The following DEFB134 variants were observed in gnomAD, a reference collection of about 807,000 sequenced individuals.
DEFB134 encodes beta-defensin 134.
In DEFB134, 7 loss-of-function variants were observed where a neutral mutation model predicts 7.4. The observed-to-expected ratio is 0.95, with a 90% CI of 0.54 to 1.79. The LOEUF (loss-of-function observed/expected upper bound fraction) is 1.79, where lower values mean the gene tolerates loss of function less well. Ranked by LOEUF, DEFB134 falls within the 40% of genes most tolerant of loss-of-function variation. The pLI is 0.00. For missense variants in DEFB134, 105 were observed against 74.8 expected, an observed-to-expected ratio of 1.40 and a Z score of -1.49; for synonymous variants, 33 against 25.0, an observed-to-expected ratio of 1.32 and a Z score of -0.96.
chr8:12,000,099 G>C (rs1232985166), upstream of DEFB134, among the ~76,000 whole-genome samples: 2 of 152,228 alleles, frequency 1.3e-5, no homozygotes, highest in Non-Finnish European at 2.9e-5. Context: ...TCAATATGCA[G>C]CCTTTCCAAA....
At chr8:11,998,323 C>T (rs373759923), upstream of DEFB134, among the ~76,000 whole-genome samples, 56 of 151,760 alleles carry the variant, frequency 3.7e-4, no homozygotes, top group East Asian at 3.7e-3. Flanking sequence ...TGATGGTGCA[C>T]GACTGTAGTC....
At chr8:11,996,279 G>C (rs1800120487) in exon 1 of DEFB134, 6 of 1,613,090 alleles carry the variant, frequency 3.7e-6, no homozygotes, top group Non-Finnish European at 5.1e-6. Flanking sequence ...AAGGAGGCTA[G>C]TGGCAGGGTC....
chr8:11,994,160 G>A, intron 1 of DEFB134, 38 bp from the exon 3 acceptor site: 2 of 1,580,556 alleles, frequency 1.3e-6, no homozygotes, highest in Non-Finnish European at 1.7e-6. Flanking sequence ...TTCACTACAG[G>A]CCTTTTTGGA....
At chr8:11,993,734 G>T in exon 2 of DEFB134, 1 of 407,118 alleles carries the variant, frequency 2.5e-6, no homozygotes, top group Admixed American at 4.2e-5. Flanking sequence ...GAGCACACTG[G>T]ACATCACGTT....
At chr8:11,994,263 G>A in intron 1 of DEFB134, 141 bp from the exon 3 acceptor site, 1 of 1,042,946 alleles carries the variant, frequency 9.6e-7, no homozygotes, top group Non-Finnish European at 1.4e-6. Flanking sequence ...AAATTAATTA[G>A]TGGTAGGGGC....
Position 11,996,306 on chromosome 8 carries a change from G to C in DEFB134, c.-55C>G. On this transcript the variant is annotated 5_prime_UTR_variant, in exon 1 of 2. Coordinates refer to ENST00000526438, the Ensembl canonical transcript of DEFB134. Reference sequence around the variant, plus strand: ...GGCAGGGTCTGACATCGGCTGTCAGGGAACAGAGAGAAGAGGTTGAGCACA... The same window carrying C: ...GGCAGGGTCTGACATCGGCTGTCAGCGAACAGAGAGAAGAGGTTGAGCACA... 6.3e-7 allele frequency: 1 copy of C among 1,596,218 alleles called. No individual in the cohort carries two copies.
In DEFB134 at chr8:11,993,391, A is replaced by G. The variant is rs1800028676; in HGVS notation, c.*589T>C. ...CTCAGGTGGGAAGTTCCATTGCTCAACTGAAACTAGGGAGGTGGATGAGAA... is the reference window on the plus strand; with the variant it reads ...CTCAGGTGGGAAGTTCCATTGCTCAGCTGAAACTAGGGAGGTGGATGAGAA... On this transcript the variant is annotated 3_prime_UTR_variant, in exon 2 of 2. Coordinates refer to ENST00000526438, the Ensembl canonical transcript of DEFB134. The G allele has an allele frequency of 1.3e-5, 2 of 152,250 alleles. 1 individual carries two copies. Among genetic ancestry groups the G allele is most frequent in the South Asian group, 4.1e-4 (2 of 4,830 alleles). The allele number at this position is 152,250 out of a possible 1,614,324, so 9.4% of individuals were successfully genotyped here.
chr8:11,998,695 A>T (rs1348143351), upstream of DEFB134, among the ~76,000 whole-genome samples: 2 of 152,140 alleles, frequency 1.3e-5, no homozygotes, highest in Non-Finnish European at 2.9e-5. Flanking sequence ...CCAAAATCAG[A>T]GCTGAACTGA....
chr8:11,993,511 AG>A (rs1441453674), exon 2 of DEFB134: 2 of 152,868 alleles, frequency 1.3e-5, no homozygotes, highest in Non-Finnish European at 2.9e-5. Flanking sequence ...CCTGTAGTTA[AG>A]CCCTGCCTAT....
chr8:11,993,910 T>C, exon 2 of DEFB134: 1 of 1,564,192 alleles, frequency 6.4e-7, no homozygotes, highest in Non-Finnish European at 8.6e-7. Flanking sequence ...TTGATCTAAA[T>C]TCCCTGGTTT....
At chr8:11,994,242 T>A in intron 1 of DEFB134, 120 bp from the exon 3 acceptor site, 1 of 1,254,688 alleles carries the variant, frequency 8.0e-7, no homozygotes, top group Non-Finnish European at 1.1e-6. Context: ...TAATTGATCC[T>A]GTAACTGAAA....
upstream of DEFB134, chr8:11,999,094 T>A (rs1295986958): frequency 7.1e-5 from 11 of 155,942 alleles, no homozygotes; most frequent in African/African-American, 4.8e-5. Flanking sequence ...ATTTCTACCT[T>A]AGGTTCCTAC....
At chr8:11,993,423 T>G (rs1800029423) in exon 2 of DEFB134, 1 of 152,318 alleles carries the variant, frequency 6.6e-6, no homozygotes, top group East Asian at 1.9e-4. Flanking sequence ...AGAAATTACC[T>G]TGTTCCAGCC....
At chr8:11,997,015 TAATG>T (rs1278146862), upstream of DEFB134, among the ~76,000 whole-genome samples, 6 of 152,240 alleles carry the variant, frequency 3.9e-5, no homozygotes, top group Non-Finnish European at 8.8e-5. Flanking sequence ...ACATTCAAAA[TAATG>T]AACATATCCA....
At chr8:11,994,118 T>G in exon 2 of DEFB134, 3 of 1,610,240 alleles carry the variant, frequency 1.9e-6, no homozygotes, top group African/African-American at 1.3e-5. Context: ...ATAATGAATT[T>G]ATACCTGGAA....
chr8:11,997,215 T>C (rs1384407365), upstream of DEFB134, among the ~76,000 whole-genome samples: 3 of 152,238 alleles, frequency 2.0e-5, no homozygotes, highest in African/African-American at 7.2e-5. Flanking sequence ...TCAGCATAAT[T>C]ATTTGAGATT....
upstream of DEFB134, among the ~76,000 whole-genome samples, chr8:11,996,490 T>C (rs566312256): frequency 2.0e-5 from 3 of 152,334 alleles, no homozygotes; most frequent in African/African-American, 7.2e-5. Flanking sequence ...ACAAAGACAC[T>C]GTTCTCCCAC....
At chr8:11,999,423 A>T (rs947812585), upstream of DEFB134, 1 of 164,554 alleles carries the variant, frequency 6.1e-6, no homozygotes, top group Non-Finnish European at 1.4e-5. Context: ...ATATACTTTT[A>T]TCTATGTTGA....
upstream of DEFB134, among the ~76,000 whole-genome samples, chr8:11,997,633 C>T (rs1004729156): frequency 3.9e-5 from 6 of 152,104 alleles, no homozygotes; most frequent in African/African-American, 1.2e-4. Context: ...AAAGGCATTA[C>T]AAAATGATAA....
Sources: allele counts gnomAD v4.1 joint callset (sites outside exome capture counted in the v4.1 genomes callset), GRCh38; gene constraint gnomAD v4.1.1; transcripts MANE v1.5; gene names NCBI Gene and HGNC (gene_info 2026-07-23, HGNC 2026-07-21).